Variants in ZNF821 observed in about 807,000 individuals in gnomAD.
ZNF821 encodes zinc finger protein 821.
In ZNF821, 16 loss-of-function variants were observed where a neutral mutation model predicts 44.3. The observed-to-expected ratio is 0.36, with a 90% confidence interval of 0.24 to 0.55. ZNF821 has a LOEUF of 0.55. ZNF821 is among the 20% of genes least tolerant of loss of function. The pLI is 0.86. For missense variants in ZNF821, 436 were observed against 547.6 expected (o/e 0.80, Z 2.03); for synonymous variants, 204 against 197.6 (o/e 1.03, Z -0.27).
upstream of ZNF821, among the ~76,000 whole-genome samples, chr16:71,889,401 G>A (rs1352738259): frequency 6.6e-6 from 1 of 151,886 alleles, no homozygotes; most frequent in Admixed American, 6.6e-5. Context: ...CGGGTGCGGT[G>A]GCTCACACCT....
upstream of ZNF821, among the ~76,000 whole-genome samples, chr16:71,885,670 C>G (rs780265958): frequency 2.0e-5 from 3 of 152,140 alleles, no homozygotes; most frequent in Non-Finnish European, 4.4e-5. Flanking sequence ...ATCTTGTGTT[C>G]AATGTAATAG....
upstream of ZNF821, among the ~76,000 whole-genome samples, chr16:71,889,329 C>T (rs969014769): frequency 2.6e-5 from 4 of 152,084 alleles, no homozygotes; most frequent in African/African-American, 9.7e-5. Context: ...TAGCTGTTGA[C>T]CTTAGATTGG....
At chr16:71,880,154 TGAAA>T (rs926487458) in intron 2 of ZNF821, 131 bp from the exon 3 acceptor site, 10 of 449,736 alleles carry the variant, frequency 2.2e-5, no homozygotes, top group Middle Eastern at 4.9e-4. Context: ...ATTGAACTAA[TGAAA>T]GAAAGAAAGA....
intron 2 of ZNF821, among the ~76,000 whole-genome samples, chr16:71,880,778 A>G (rs1298771681): frequency 1.3e-5 from 2 of 152,308 alleles, no homozygotes; most frequent in Admixed American, 6.5e-5. Flanking sequence ...GTCAAAGTTA[A>G]TAACTTTAGA....
chr16:71,874,578 C>T (rs1273347641), intron 3 of ZNF821, among the ~76,000 whole-genome samples: 1 of 152,078 alleles, frequency 6.6e-6, no homozygotes, highest in Non-Finnish European at 1.5e-5. Flanking sequence ...CTCAGCCCCC[C>T]AAGTAGCTAG....
At position 71,864,213 on chromosome 16, in the gene ZNF821, C is replaced by T. The variant is rs868707678; in HGVS notation, c.342G>A (p.Leu114=). Reference sequence around the variant, plus strand: ...AGAGGGGACACTGGCAGAGTTCAAGCAAGGGGTCAGAATTCAAATTCCCTG... The same window carrying T: ...AGAGGGGACACTGGCAGAGTTCAAGTAAGGGGTCAGAATTCAAATTCCCTG... ...EVTGNLNSDP[L]LELCQCPLCQ... The change falls in exon 6 of 8, where the codon TTG becomes TTA. Residue 114 remains leucine (L), a synonymous_variant. Coordinates refer to ENST00000425432, the MANE Select transcript of ZNF821 (RefSeq NM_001201552.2). The T allele has an allele frequency of 6.2e-7, 1 of 1,614,226 alleles. No homozygotes were observed. The highest frequency in any genetic ancestry group is 1.7e-5 in the Admixed American group (1 of 60,020).
At position 71,893,029 on chromosome 16, in the gene ZNF821, C is replaced by CTTTTTTTTTTTTTTTTT. The variant is rs1199482590; in HGVS notation, n.448+1843_448+1859dup. Among the ~76,000 whole-genome samples, 7 of 65,918 alleles carry CTTTTTTTTTTTTTTTTT rather than the reference C, an allele frequency of 1.1e-4. 3 individuals carry two copies. The highest frequency in any genetic ancestry group is 1.5e-3 in the East Asian group (2 of 1,318). 43.2% of individuals were successfully genotyped at this position (65,918 alleles called of 152,430 possible). A position where few individuals can be genotyped will look rare whatever the true frequency, so the allele number is the denominator to read the frequency against. ...TACAGGCATGAGCCACCCTGCCTGG[C>CTTTTTTTTTTTTTTTTT]TTTTTTTTTTTTTTTTTTGAGATAT... is the stretch of plus-strand genomic sequence containing the variant. On this transcript the variant is annotated intron_variant and non_coding_transcript_variant, in intron 1 of 2. Coordinates refer to the ZNF821 transcript ENST00000561700.
At position 71,860,743 on chromosome 16, in the gene ZNF821, T is replaced by G; in HGVS notation, c.585-71A>C. Reference sequence around the variant, plus strand: ...AGTCGGGACTCCAGCCCTGCCTTATTCTTTTCCTATGAGGCCAGTGGCTCC... The same window carrying G: ...AGTCGGGACTCCAGCCCTGCCTTATGCTTTTCCTATGAGGCCAGTGGCTCC... On this transcript the variant is annotated intron_variant, in intron 7 of 7. Transcript: ENST00000425432. The surrounding 1 kb of genome is among the most constrained non-coding windows in gnomAD (Gnocchi z 7.3). The G allele has an allele frequency of 6.7e-7, 1 of 1,499,724 alleles. No homozygotes were observed. Among genetic ancestry groups the G allele is most frequent in the Non-Finnish European group, 8.9e-7 (1 of 1,119,060 alleles). 92.9% of individuals were successfully genotyped at this position (1,499,724 alleles called of 1,614,324 possible). A position where few individuals can be genotyped will look rare whatever the true frequency, so the allele number is the denominator to read the frequency against.
chr16:71,887,747 T>G (rs2142499673), upstream of ZNF821, among the ~76,000 whole-genome samples: 1 of 152,352 alleles, frequency 6.6e-6, no homozygotes, highest in South Asian at 2.1e-4. Flanking sequence ...GTGATTTTAA[T>G]TTGCATTTCT....
At chr16:71,894,891 A>G (rs1416655650) in exon 1 of ZNF821, 1 of 1,414,856 alleles carries the variant, frequency 7.1e-7, no homozygotes, top group African/African-American at 1.4e-5. Context: ...CTGAATACCG[A>G]GATAAATTAG....
rs1163489544 is a variant in ZNF821 at position 71,883,284 on chromosome 16, G to A, written c.-140-11C>T. Reference sequence around the variant, plus strand: ...CCAAGTGATCTGTATCTGCCAAAAAGGAGAGGACAAGAAAGCTGGTCACTT... The same window carrying A: ...CCAAGTGATCTGTATCTGCCAAAAAAGAGAGGACAAGAAAGCTGGTCACTT... On this transcript the variant is annotated splice_polypyrimidine_tract_variant and intron_variant, in intron 1 of 7. Coordinates refer to ENST00000425432, the MANE Select transcript of ZNF821 (RefSeq NM_001201552.2). The A allele has an allele frequency of 4.5e-6, 2 of 447,584 alleles. No homozygotes were observed. The highest frequency in any genetic ancestry group is 9.0e-6 in the Non-Finnish European group (2 of 222,924). The allele number at this position is 447,584 out of a possible 1,614,324, so 27.7% of individuals were successfully genotyped here. A position where few individuals can be genotyped will look rare whatever the true frequency, so the allele number is the denominator to read the frequency against.
At chr16:71,865,110 C>T in intron 4 of ZNF821, 62 bp from the exon 5 acceptor site, 1 of 1,601,742 alleles carries the variant, frequency 6.2e-7, no homozygotes, top group South Asian at 1.1e-5. Flanking sequence ...GAGCTGCTCT[C>T]CACCCTAGAG....
chr16:71,883,235 G>C lies in ZNF821; in HGVS notation c.-102C>G, dbSNP rs1384421438. ...CCTCCAGCTCTGGTGCAGTTCCCAC[G>C]GAGCAAAGCAAACTCGACTGAATCC... On this transcript the variant is annotated 5_prime_UTR_variant, in exon 2 of 8. Coordinates refer to ENST00000425432, the MANE Select transcript of ZNF821 (RefSeq NM_001201552.2). The C allele has an allele frequency of 4.4e-6, 2 of 456,292 alleles. No individual in the cohort carries two copies. The highest frequency in any genetic ancestry group is 2.0e-5 in the African/African-American group (1 of 50,170). The allele number at this position is 456,292 out of a possible 1,614,324, so 28.3% of individuals were successfully genotyped here.
chr16:71,890,949 AT>A (rs1353739651), intron 1 of ZNF821, among the ~76,000 whole-genome samples: 1 of 148,872 alleles, frequency 6.7e-6, no homozygotes, highest in East Asian at 2.0e-4. Context: ...TTTTTTTTGT[AT>A]TTTTTAGCGG....
At chr16:71,869,118 AAG>A (rs2034891969) in intron 3 of ZNF821, among the ~76,000 whole-genome samples, 1 of 152,212 alleles carries the variant, frequency 6.6e-6, no homozygotes, top group African/African-American at 2.4e-5. Flanking sequence ...ATAAGGAGAA[AAG>A]AGAGTTGGGT....
At chr16:71,883,740 T>C (rs559880823) in intron 1 of ZNF821, among the ~76,000 whole-genome samples, 168 bp downstream of exon 1, 7 of 151,742 alleles carry the variant, frequency 4.6e-5, no homozygotes, top group African/African-American at 1.4e-4. Flanking sequence ...CGGGGAGGAA[T>C]TGGGGTTGGA....
upstream of ZNF821, among the ~76,000 whole-genome samples, chr16:71,887,274 T>TC (rs2036864169): frequency 2.0e-5 from 3 of 151,032 alleles, no homozygotes; most frequent in South Asian, 6.3e-4. Context: ...TTTTTTTTTT[T>TC]TTTGAGACCG....
chr16:71,873,458 C>T (rs949129161), intron 3 of ZNF821, among the ~76,000 whole-genome samples: 6 of 151,946 alleles, frequency 3.9e-5, no homozygotes, highest in African/African-American at 4.8e-5. Context: ...AGCTCTGTAA[C>T]GAGTCTGTTA....
At chr16:71,882,638 T>A (rs1345574832) in intron 2 of ZNF821, among the ~76,000 whole-genome samples, 1 of 152,056 alleles carries the variant, frequency 6.6e-6, no homozygotes, top group Non-Finnish European at 1.5e-5. Flanking sequence ...ACCTGAGTGA[T>A]CAAGAGAAAA....
Sources: allele counts gnomAD v4.1 joint callset (sites outside exome capture counted in the v4.1 genomes callset), GRCh38; gene constraint gnomAD v4.1.1; non-coding constraint Gnocchi (gnomAD v3.1); transcripts MANE v1.5; gene names NCBI Gene and HGNC (gene_info 2026-07-23, HGNC 2026-07-21).